NELL2: variants seen among roughly 807,000 people sequenced by gnomAD.
NELL2 encodes protein kinase C-binding protein NELL2.
Under a neutral mutation model 109.6 loss-of-function variants are expected in NELL2, and 41 were observed. The ratio of observed to expected loss-of-function variants is 0.37; its 90% CI spans 0.29 to 0.49. The LOEUF (loss-of-function observed/expected upper bound fraction) is 0.49. NELL2 is among the 20% of genes least tolerant of loss of function. The probability of loss-of-function intolerance (pLI) is 0.98; values close to 1 mark genes in which losing one functional copy is unlikely to be tolerated. For missense variants in NELL2, 900 were observed against 1,008.3 expected, an observed-to-expected ratio of 0.89 and a Z score of 1.45; for synonymous variants, 355 against 344.7, an observed-to-expected ratio of 1.03 and a Z score of -0.33.
At position 44,644,552 on chromosome 12, in the gene NELL2, G is replaced by A. The variant is rs189707204; in HGVS notation, c.1444+20932C>T. On this transcript the variant is annotated intron_variant, in intron 13 of 19. Transcript: ENST00000429094. ...TCTTCTGAAGGACCTAATAAACCCT[G>A]AAGACATCCTATACCAGACAAAGTA... Among the ~76,000 whole-genome samples the A allele has an allele frequency of 1.6e-3, 220 of 133,464 alleles. 1 individual carries two copies. The highest frequency in any genetic ancestry group is 5.9e-3 in the African/African-American group (210 of 35,618). 87.6% of individuals were successfully genotyped at this position (133,464 alleles called of 152,430 possible).
At chr12:44,844,584 AT>A (rs1038013018) in intron 2 of NELL2, among the ~76,000 whole-genome samples, 1 of 152,054 alleles carries the variant, frequency 6.6e-6, no homozygotes, top group African/African-American at 2.4e-5. Context: ...ACATGCTCGA[AT>A]TTTTTTTATA....
intron 12 of NELL2, among the ~76,000 whole-genome samples, chr12:44,667,625 C>A (rs1947971403): frequency 6.6e-6 from 1 of 152,186 alleles, no homozygotes; most frequent in Admixed American, 6.5e-5. Flanking sequence ...TGGTACTCAT[C>A]TCCTCGACAG....
rs371676047 is a variant in NELL2, at chr12:44,897,246, T to C, written c.38+16553A>G. Among the ~76,000 whole-genome samples the C allele has an allele frequency of 7.2e-5, 11 of 152,130 alleles. No homozygotes were observed. In the East Asian group the frequency reaches 1.4e-3, roughly 19 times the overall value. On this transcript the variant is annotated intron_variant, in intron 1 of 20. Coordinates refer to the NELL2 transcript ENST00000333837. ...ATTCTCGGAAACCACAGAAAACTAA[T>C]GAAGGTTCATACTTACAAAATAAGA...
chr12:44,523,395 G>C lies in NELL2; in HGVS notation c.1894C>G (p.His632Asp), dbSNP rs199920966. 1.3e-4 allele frequency: 213 copies of C among 1,613,976 alleles called. No homozygotes were observed. The highest frequency in any genetic ancestry group is 1.9e-5 in the Non-Finnish European group (23 of 1,180,014). The change falls in exon 17 of 20, where the codon CAT becomes GAT. Residue 632 changes from histidine to aspartate, a missense_variant. Physicochemically the swap from His to Asp is moderately conservative, Grantham distance 81. This residue lies in a region of NELL2 where 333 missense variants were observed against 432.3 expected (regional missense o/e 0.77). Transcript: ENST00000429094. Reference protein sequence around the residue: ...LDGGYDCRCPHGKNCTGDCIH... With the variant: ...LDGGYDCRCPDGKNCTGDCIH... ...CAGTCCCCTGTGCAATTCTTTCCAT[G>C]AGGACATCGACAATCATATCCGCCA...
intron 12 of NELL2, among the ~76,000 whole-genome samples, chr12:44,677,672 A>G (rs1482445776): frequency 2.0e-5 from 3 of 152,128 alleles, no homozygotes; most frequent in African/African-American, 4.8e-5. Context: ...TCTTGTAACT[A>G]TGACTGCAGA....
At chr12:44,698,659 C>T (rs1949132998) in intron 12 of NELL2, among the ~76,000 whole-genome samples, 1 of 152,128 alleles carries the variant, frequency 6.6e-6, no homozygotes, top group South Asian at 2.1e-4. Context: ...TGGAGGTGGG[C>T]TCAGACTATA....
intron 13 of NELL2, among the ~76,000 whole-genome samples, chr12:44,638,134 A>C (rs1373856067): frequency 4.6e-5 from 7 of 152,058 alleles, no homozygotes; most frequent in Non-Finnish European, 7.4e-5. Flanking sequence ...CTTAATTTGC[A>C]AACTCTATTC....
intron 15 of NELL2, among the ~76,000 whole-genome samples, chr12:44,585,991 C>A (rs1391058960): frequency 1.3e-5 from 2 of 151,360 alleles, no homozygotes; most frequent in African/African-American, 2.4e-5. Flanking sequence ...AAAATTCACA[C>A]CCATATGCTG....
intron 11 of NELL2, 111 bp downstream of exon 11, chr12:44,711,181 C>A: frequency 1.3e-6 from 1 of 744,848 alleles, no homozygotes; most frequent in South Asian, 1.6e-5. Flanking sequence ...TAGGGAAATA[C>A]TATTAGTCTA....
chr12:44,886,148 A>AAGG (rs1566593595), intron 1 of NELL2, among the ~76,000 whole-genome samples: 36 of 143,686 alleles, frequency 2.5e-4, no homozygotes, highest in African/African-American at 8.1e-4. Flanking sequence ...AGGAAGGAAG[A>AAGG]AAGGGAGAGA....
At chr12:44,589,503 C>G (rs1305021620) in intron 15 of NELL2, among the ~76,000 whole-genome samples, 2 of 152,108 alleles carry the variant, frequency 1.3e-5, no homozygotes, top group Non-Finnish European at 2.9e-5. Flanking sequence ...CCTGCCTCAG[C>G]CTCCCGAGTA....
intron 3 of NELL2, among the ~76,000 whole-genome samples, chr12:44,793,944 C>T (rs912440724): frequency 1.3e-5 from 2 of 152,128 alleles, no homozygotes; most frequent in African/African-American, 4.8e-5. Context: ...TTATAATGAA[C>T]ACTGGGCATA....
intron 15 of NELL2, among the ~76,000 whole-genome samples, chr12:44,545,859 C>T (rs1942773936): frequency 6.6e-6 from 1 of 152,080 alleles, no homozygotes; most frequent in South Asian, 2.1e-4. Flanking sequence ...GTCTTACTTT[C>T]TATGCCTTCC....
Position 44,610,944 on chromosome 12 carries a change from G to T in NELL2, c.1471C>A (p.His491Asn). The T allele has an allele frequency of 1.2e-6, 2 of 1,612,714 alleles. No individual in the cohort carries two copies. The highest frequency in any genetic ancestry group is 1.1e-5 in the South Asian group (1 of 91,048). ...CATAAAGCATTTTCATCACAGTTGT[G>T]CTGATTTGTGATACACTCATCATGT... The part of the protein sequence containing the change: ...TEHDECITNQ[H>N]NCDENALCFN... The change falls in exon 14 of 20, where the codon CAC becomes AAC. Residue 491 changes from histidine to asparagine, a missense_variant. His to Asn is a moderately conservative substitution (Grantham distance 68, BLOSUM62 1). Transcript: ENST00000429094.
intron 13 of NELL2, among the ~76,000 whole-genome samples, chr12:44,635,160 T>C (rs1190163956): frequency 1.3e-5 from 2 of 152,216 alleles, no homozygotes; most frequent in East Asian, 3.8e-4. Flanking sequence ...TTGTTTAAGT[T>C]CCTAGTAGAT....
At chr12:44,771,302 G>C (rs1228785331) in intron 9 of NELL2, among the ~76,000 whole-genome samples, 1 of 151,006 alleles carries the variant, frequency 6.6e-6, no homozygotes, top group South Asian at 2.1e-4. Context: ...GCAACTGGTC[G>C]ATAAAAGTAG....
chr12:44,719,738 T>C (rs1438772253), intron 9 of NELL2, among the ~76,000 whole-genome samples: 3 of 152,138 alleles, frequency 2.0e-5, no homozygotes, highest in Non-Finnish European at 4.4e-5. Context: ...ATGGTATTGT[T>C]TGAAATTTTG....
At chr12:44,744,684 A>G (rs1411711731) in intron 9 of NELL2, among the ~76,000 whole-genome samples, 1 of 152,234 alleles carries the variant, frequency 6.6e-6, no homozygotes, top group Non-Finnish European at 1.5e-5. Context: ...ACTCTACGCA[A>G]ATAAACTAGA....
chr12:44,520,949 A>C (rs1281374618), intron 18 of NELL2, among the ~76,000 whole-genome samples: 2 of 152,216 alleles, frequency 1.3e-5, no homozygotes, highest in African/African-American at 4.8e-5. Context: ...AAAGTATAAA[A>C]AGGAAGGAAC....
Sources: gnomAD v4.1 joint callset for allele counts (sites outside exome capture counted in the v4.1 genomes callset) on GRCh38, gnomAD v4.1.1 for gene constraint, gnomAD v4.1.1 regional missense constraint, MANE v1.5 for transcripts, NCBI Gene and HGNC (gene_info 2026-07-23, HGNC 2026-07-21) for gene names.